Variants in RNF141 observed in about 807,000 individuals in gnomAD.
RNF141 encodes the protein ring finger protein 141.
A neutral mutation model predicts 27.4 loss-of-function variants in RNF141; 18 were observed. The ratio of observed to expected loss-of-function variants is 0.66; its 90% confidence interval spans 0.45 to 0.97. The LOEUF is 0.97. Ranked by LOEUF, RNF141 falls within the 50% of genes least tolerant of loss-of-function variation. The probability of loss-of-function intolerance (pLI) is 0.00; values close to 1 mark genes in which losing one functional copy is unlikely to be tolerated. For synonymous variants in RNF141, 97 were observed against 96.6 expected, an observed-to-expected ratio of 1.00 and a Z score of -0.02; for missense variants, 230 against 279.4, an observed-to-expected ratio of 0.82 and a Z score of 1.26.
rs1010408919 is a variant in RNF141 at position 10,514,752 on chromosome 11, G to A, written c.*164C>T. The stretch of plus-strand genomic sequence containing the variant: ...TTTTAGTACCACAAATGGAAGACAT[G>A]GGAAGTTTATTTTTAAAAGGGGGAC... On this transcript the variant is annotated 3_prime_UTR_variant, in exon 6 of 6. Transcript: ENST00000265981. 1.7e-5 allele frequency: 10 copies of A among 576,842 alleles called. No individual in the cohort carries two copies. The highest frequency in any genetic ancestry group is 2.8e-5 in the Non-Finnish European group (10 of 361,808). 35.7% of individuals were successfully genotyped at this position (576,842 alleles called of 1,614,324 possible). A position where few individuals can be genotyped will look rare whatever the true frequency, so the allele number is the denominator to read the frequency against.
intron 4 of RNF141, among the ~76,000 whole-genome samples, chr11:10,520,165 G>A (rs777865641): frequency 6.6e-6 from 1 of 152,064 alleles, no homozygotes; most frequent in African/African-American, 2.4e-5. Context: ...TAGGCTATAC[G>A]AAATTTATAA....
Position 10,514,895 on chromosome 11 carries a change from C to T in RNF141, c.*21G>A, listed in dbSNP as rs1400074072. 1 of 1,595,004 alleles carries T rather than the reference C, an allele frequency of 6.3e-7. No individual in the cohort carries two copies. Among genetic ancestry groups the T allele is most frequent in the East Asian group, 2.3e-5 (1 of 43,950 alleles). ...CAAATATTTGAGCCCACAATAGCAA[C>T]AGAAGACTTTCACTTCAAGGTCATG... On this transcript the variant is annotated 3_prime_UTR_variant, in exon 6 of 6. Coordinates refer to ENST00000265981, the MANE Select transcript of RNF141 (RefSeq NM_016422.4).
intron 4 of RNF141, among the ~76,000 whole-genome samples, chr11:10,521,639 T>A (rs1174285733): frequency 6.6e-6 from 1 of 152,234 alleles, no homozygotes; most frequent in Non-Finnish European, 1.5e-5. Flanking sequence ...GTATATTAAA[T>A]ATAGTAAGTG....
At chr11:10,540,429 A>G (rs1018056487) in intron 1 of RNF141, among the ~76,000 whole-genome samples, 1 of 152,356 alleles carries the variant, frequency 6.6e-6, no homozygotes, top group African/African-American at 2.4e-5. Context: ...AAATAACTGA[A>G]GGAATAATTT....
At chr11:10,522,869 A>G (rs1019870982) in intron 4 of RNF141, among the ~76,000 whole-genome samples, 1 of 152,236 alleles carries the variant, frequency 6.6e-6, no homozygotes, top group African/African-American at 2.4e-5. Flanking sequence ...CTGTTAGAAG[A>G]TGAGGAAACT....
intron 4 of RNF141, among the ~76,000 whole-genome samples, chr11:10,519,478 C>T (rs763700921): frequency 2.2e-4 from 34 of 151,990 alleles, no homozygotes; most frequent in Non-Finnish European, 4.4e-4. Context: ...CAAATTTAAC[C>T]GATATAGTTA....
At chr11:10,525,807 T>C (rs1849931572) in intron 3 of RNF141, among the ~76,000 whole-genome samples, 1 of 152,234 alleles carries the variant, frequency 6.6e-6, no homozygotes, top group Admixed American at 6.5e-5. Context: ...TTAAGTTCTA[T>C]TTTGTACCAA....
At chr11:10,529,902 G>A (rs1318040168) in intron 3 of RNF141, among the ~76,000 whole-genome samples, 1 of 152,086 alleles carries the variant, frequency 6.6e-6, no homozygotes, top group Non-Finnish European at 1.5e-5. Context: ...TATTATTTGG[G>A]TAACCTCCAG....
chr11:10,533,940 T>C, intron 2 of RNF141, 76 bp downstream of exon 2: 1 of 1,347,814 alleles, frequency 7.4e-7, no homozygotes, highest in Non-Finnish European at 1.0e-6. Context: ...CCTCTGGTTA[T>C]ATCTTACACA....
intron 3 of RNF141, among the ~76,000 whole-genome samples, chr11:10,529,945 C>A (rs1459014034): frequency 6.6e-6 from 1 of 152,090 alleles, no homozygotes; most frequent in Admixed American, 6.6e-5. Flanking sequence ...TCTCCTAACC[C>A]AGGGAATCTT....
At position 10,533,997 on chromosome 11, in the gene RNF141, CA is replaced by C; in HGVS notation, c.143+18del. On this transcript the variant is annotated intron_variant, in intron 2 of 5. Transcript: ENST00000265981. ...ATACAACAAGGGGAAAAACGAAAAACAAAAAGAGCAAGCCTTACACATCATT... is the reference window on the plus strand; with the variant it reads ...ATACAACAAGGGGAAAAACGAAAAACAAAAGAGCAAGCCTTACACATCATT... 6.2e-7 allele frequency: 1 copy of C among 1,606,550 alleles called. No individual in the cohort carries two copies. Among genetic ancestry groups the C allele is most frequent in the Admixed American group, 1.7e-5 (1 of 58,408 alleles).
chr11:10,530,774 T>A (rs758252584), intron 2 of RNF141, 23 bp from the exon 3 acceptor site: 82 of 1,441,298 alleles, frequency 5.7e-5, no homozygotes, highest in Non-Finnish European at 6.3e-5. Flanking sequence ...AAGAACATGT[T>A]AATTTTATGA....
Position 10,519,070 on chromosome 11 carries a change from C to T in RNF141, c.506G>A (p.Cys169Tyr), listed in dbSNP as rs1356490117. The change falls in exon 5 of 6, where the codon TGT (cysteine) becomes TAT (tyrosine). Residue 169 changes from cysteine to tyrosine, a missense_variant. Transcript: ENST00000265981. ...MDGRADLILP[C>Y]AHSFCQKCID... ...ACACTTCTGACAAAAGCTGTGAGCA[C>T]AAGGCAGGATGAGGTCAGCCCGCCC... is the stretch of plus-strand genomic sequence containing the variant. 1.2e-6 allele frequency: 2 copies of T among 1,614,028 alleles called. No individual in the cohort carries two copies. The highest frequency in any genetic ancestry group is 1.7e-5 in the Admixed American group (1 of 60,010).
intron 3 of RNF141, among the ~76,000 whole-genome samples, chr11:10,525,974 C>T (rs1473880939): frequency 6.6e-6 from 1 of 152,138 alleles, no homozygotes; most frequent in Non-Finnish European, 1.5e-5. Flanking sequence ...GGTTGTACCT[C>T]TCCCCCATCC....
chr11:10,536,836 C>T (rs1054584985), intron 1 of RNF141, among the ~76,000 whole-genome samples: 1 of 152,200 alleles, frequency 6.6e-6, no homozygotes, highest in African/African-American at 2.4e-5. Flanking sequence ...ATCCTAAACT[C>T]TTGCTAGAAG....
At chr11:10,527,980 G>C (rs1384701605) in intron 3 of RNF141, among the ~76,000 whole-genome samples, 1 of 152,124 alleles carries the variant, frequency 6.6e-6, no homozygotes, top group African/African-American at 2.4e-5. Flanking sequence ...TAAGAAAAAA[G>C]AAGGATGAAA....
chr11:10,534,849 A>C (rs1192865635), intron 1 of RNF141, among the ~76,000 whole-genome samples: 1 of 152,098 alleles, frequency 6.6e-6, no homozygotes, highest in African/African-American at 2.4e-5. Context: ...GAATTACTTT[A>C]TTTATAGATG....
rs1349229205 is a variant in RNF141, at chr11:10,539,780, A to G, written c.-48+1342T>C. On this transcript the variant is annotated intron_variant, in intron 1 of 5. Coordinates refer to ENST00000265981, the MANE Select transcript of RNF141 (RefSeq NM_016422.4). ...AAGAATATGGATTTCTCACAGTAAC[A>G]GTGTGTTTACTAAATGCATTTCATA... 4.1e-5 allele frequency among the ~76,000 whole-genome samples: 6 copies of G among 145,926 alleles called. No individual in the cohort carries two copies. In the South Asian group the frequency reaches 1.3e-3, roughly 32 times the overall value.
chr11:10,529,216 T>C (rs1849965712), intron 3 of RNF141, among the ~76,000 whole-genome samples: 1 of 152,246 alleles, frequency 6.6e-6, no homozygotes. Flanking sequence ...TCTGTCAGTG[T>C]AGGTGTATGA....
Sources: gnomAD v4.1 joint callset for allele counts (sites outside exome capture counted in the v4.1 genomes callset) on GRCh38, gnomAD v4.1.1 for gene constraint, MANE v1.5 for transcripts, NCBI Gene and HGNC (gene_info 2026-07-23, HGNC 2026-07-21) for gene names.